Variants in CSMD1 observed in about 807,000 individuals in gnomAD.
CSMD1 encodes the protein CUB and sushi domain-containing protein 1.
CSMD1 carries 213 observed loss-of-function variants against 417.5 expected under a neutral mutation model. The ratio of observed to expected loss-of-function variants is 0.51; its 90% CI spans 0.46 to 0.57. The LOEUF (loss-of-function observed/expected upper bound fraction) is 0.57. CSMD1 is among the 20% of genes least tolerant of loss of function. The pLI is 0.00. For missense variants in CSMD1, 6,923 were observed against 4,529.7 expected (o/e 1.53, Z -15.17); for synonymous variants, 2,862 against 1,736.8 (o/e 1.65, Z -16.11).
At chr8:4,932,046 C>T (rs377751062) in intron 1 of CSMD1, among the ~76,000 whole-genome samples, 2 of 152,108 alleles carry the variant, frequency 1.3e-5, no homozygotes, top group African/African-American at 4.8e-5. Flanking sequence ...ATATTGCTAA[C>T]ATTTCTTTGG....
At chr8:4,243,717 A>C (rs1240473652) in intron 3 of CSMD1, among the ~76,000 whole-genome samples, 1 of 152,178 alleles carries the variant, frequency 6.6e-6, no homozygotes, top group Non-Finnish European at 1.5e-5. Flanking sequence ...TACATCCATA[A>C]TCTGAGTCCA....
intron 1 of CSMD1, among the ~76,000 whole-genome samples, chr8:4,903,249 T>C (rs1305991856): frequency 3.3e-5 from 5 of 152,196 alleles, no homozygotes; most frequent in African/African-American, 1.2e-4. Flanking sequence ...CCAGACTTAG[T>C]GTGTCATCTT....
Position 3,551,614 on chromosome 8 carries a change from T to C in CSMD1, c.1344+23331A>G, listed in dbSNP as rs1020325380. On this transcript the variant is annotated intron_variant, in intron 10 of 69. Coordinates refer to ENST00000635120, the MANE Select transcript of CSMD1 (RefSeq NM_033225.6). ...TATATATATTTTTTTTTTTTTTTTT[T>C]CTGAAGATACATTATGTTCTTTCCG... Among the ~76,000 whole-genome samples, 71 of 140,008 alleles carry C rather than the reference T, an allele frequency of 5.1e-4. 1 individual carries two copies. Among genetic ancestry groups the C allele is most frequent in the Non-Finnish European group, 5.7e-4 (37 of 65,186 alleles). The allele number at this position is 140,008 out of a possible 152,430, so 91.9% of individuals were successfully genotyped here. A position where few individuals can be genotyped will look rare whatever the true frequency, so the allele number is the denominator to read the frequency against.
chr8:4,715,085 C>T (rs1017198029), intron 1 of CSMD1, among the ~76,000 whole-genome samples: 2 of 152,274 alleles, frequency 1.3e-5, no homozygotes, highest in East Asian at 1.9e-4. Context: ...TATCCAAAAA[C>T]ACTCCAGTCC....
At position 4,430,805 on chromosome 8, in the gene CSMD1, G is replaced by A. The variant is rs200382606; in HGVS notation, c.303-10740C>T. Among the ~76,000 whole-genome samples the A allele has an allele frequency of 2.6e-4, 40 of 152,188 alleles. No homozygotes were observed. The East Asian group carries it at 3.5e-3, about 13-fold the overall frequency. ...CAAATGACATTAAAACAGTAACAGC[G>A]TTTTTCCTGTCAATTGTCACTGCAA... On this transcript the variant is annotated intron_variant, in intron 2 of 69. Transcript: ENST00000635120.
At chr8:3,596,342 G>A (rs1801094098) in intron 8 of CSMD1, among the ~76,000 whole-genome samples, 1 of 152,172 alleles carries the variant, frequency 6.6e-6, no homozygotes, top group Non-Finnish European at 1.5e-5. Flanking sequence ...GGTACAGCAT[G>A]CAGGGAAGTG....
At chr8:4,810,307 A>C (rs899579996) in intron 1 of CSMD1, among the ~76,000 whole-genome samples, 1 of 152,128 alleles carries the variant, frequency 6.6e-6, no homozygotes, top group East Asian at 1.9e-4. Context: ...CAAATTTAAT[A>C]TGTTCCTCAA....
chr8:3,570,425 C>A (rs754155911), intron 10 of CSMD1, among the ~76,000 whole-genome samples: 4 of 141,464 alleles, frequency 2.8e-5, no homozygotes, highest in African/African-American at 4.9e-5. Flanking sequence ...ACTCAGCAGA[C>A]AAATTCTAGG....
chr8:4,428,105 T>C (rs1797668533), intron 2 of CSMD1, among the ~76,000 whole-genome samples: 1 of 152,218 alleles, frequency 6.6e-6, no homozygotes, highest in Non-Finnish European at 1.5e-5. Context: ...GTGAATGGGA[T>C]ACATCTCTGA....
chr8:4,435,310 G>A (rs73658894), intron 2 of CSMD1, among the ~76,000 whole-genome samples: 2 of 152,122 alleles, frequency 1.3e-5, no homozygotes, highest in Non-Finnish European at 2.9e-5. Flanking sequence ...ACAGCCAAAT[G>A]TGACACAGGT....
At chr8:3,274,481 C>T (rs1802121354) in intron 26 of CSMD1, among the ~76,000 whole-genome samples, 1 of 152,072 alleles carries the variant, frequency 6.6e-6, no homozygotes, top group Non-Finnish European at 1.5e-5. Context: ...CCTGGGTATG[C>T]TTGTTGACTT....
At chr8:4,401,879 C>G (rs917297117) in intron 3 of CSMD1, among the ~76,000 whole-genome samples, 4 of 152,088 alleles carry the variant, frequency 2.6e-5, no homozygotes, top group South Asian at 2.1e-4. Context: ...AGCTTTGACT[C>G]TTCTGTCTTC....
intron 3 of CSMD1, among the ~76,000 whole-genome samples, chr8:4,203,715 TACACATCTGC>T (rs1799804350): frequency 6.6e-6 from 1 of 151,970 alleles, no homozygotes; most frequent in Non-Finnish European, 1.5e-5. Flanking sequence ...TACACACACA[TACACATCTGC>T]ACACATATGT....
At chr8:4,764,816 T>C (rs1195080744) in intron 1 of CSMD1, among the ~76,000 whole-genome samples, 1 of 131,010 alleles carries the variant, frequency 7.6e-6, no homozygotes, top group African/African-American at 2.9e-5. Flanking sequence ...GAGCTTGCGG[T>C]GAGCAGAGAT....
intron 27 of CSMD1, among the ~76,000 whole-genome samples, chr8:3,229,024 C>T (rs7845373): frequency 0.57 from 86,870 of 151,934 alleles, 25,324 homozygotes; most frequent in South Asian, 0.68. Flanking sequence ...ATAAGGACAG[C>T]TATCCAACCT....
At chr8:4,705,107 C>T (rs929689872) in intron 1 of CSMD1, among the ~76,000 whole-genome samples, 1 of 152,102 alleles carries the variant, frequency 6.6e-6, no homozygotes, top group African/African-American at 2.4e-5. Flanking sequence ...GACAGTTCCT[C>T]CTTCACCCTC....
chr8:4,003,811 C>CG (rs1563307414), intron 4 of CSMD1, among the ~76,000 whole-genome samples: 1 of 151,024 alleles, frequency 6.6e-6, no homozygotes, highest in African/African-American at 2.4e-5. Context: ...GTATATTGTA[C>CG]GTGTCTGATA....
At chr8:4,158,518 A>G (rs1256786938) in intron 3 of CSMD1, among the ~76,000 whole-genome samples, 2 of 152,186 alleles carry the variant, frequency 1.3e-5, no homozygotes, top group Non-Finnish European at 2.9e-5. Flanking sequence ...AAACTCCCAA[A>G]GAAACAGTAA....
chr8:4,204,808 G>C (rs1174747226), intron 3 of CSMD1, among the ~76,000 whole-genome samples: 1 of 150,152 alleles, frequency 6.7e-6, no homozygotes, highest in Non-Finnish European at 1.5e-5. Flanking sequence ...GCACAGGTCA[G>C]CACACACAGC....
Sources: allele counts gnomAD v4.1 joint callset (sites outside exome capture counted in the v4.1 genomes callset), GRCh38; gene constraint gnomAD v4.1.1; transcripts MANE v1.5; gene names NCBI Gene and HGNC (gene_info 2026-07-23, HGNC 2026-07-21).